SAMD11: variants seen among roughly 807,000 people sequenced by gnomAD.
The protein encoded by SAMD11 is sterile alpha motif domain containing 11, also known as sterile alpha motif domain-containing protein 11.
In SAMD11, 77 loss-of-function variants were observed where a neutral mutation model predicts 64.4. That is an observed-to-expected ratio of 1.20 (90% CI 0.99 to 1.44). SAMD11 has a LOEUF of 1.44. Among genes scored for constraint, SAMD11 ranks in the 40% most tolerant of loss-of-function variants. The probability of loss-of-function intolerance (pLI) is 0.00; values close to 1 mark genes in which losing one functional copy is unlikely to be tolerated. For synonymous variants in SAMD11, 658 were observed against 421.9 expected, an observed-to-expected ratio of 1.56 and a Z score of -6.86; for missense variants, 1,402 against 943.3, an observed-to-expected ratio of 1.49 and a Z score of -6.37.
rs1329301928 is a variant in SAMD11 at position 926,003 on chromosome 1, C to A, written c.599C>A (p.Ser200Tyr). Residue 200 changes from serine to tyrosine, a missense_variant, in exon 2 of 14, where the codon TCC (serine) becomes TAC (tyrosine). Ser to Tyr is a moderately radical substitution (Grantham distance 144). Coordinates refer to ENST00000616016, the MANE Select transcript of SAMD11 (RefSeq NM_001385641.1). ...PICDCPGCRI[S>Y]SPVNRGRLAD... The stretch of plus-strand genomic sequence containing the variant: ...TGCGACTGCCCGGGCTGCCGAATAT[C>A]CTCCCCGGTGGTGAGATGCGGGGCT... The A allele has an allele frequency of 1.2e-6, 2 of 1,611,628 alleles. No individual in the cohort carries two copies. Among genetic ancestry groups the A allele is most frequent in the Non-Finnish European group, 1.7e-6 (2 of 1,179,908 alleles).
At chr1:932,711 A>G (rs1641227497) in intron 4 of SAMD11, among the ~76,000 whole-genome samples, 1 of 152,208 alleles carries the variant, frequency 6.6e-6, no homozygotes, top group Non-Finnish European at 1.5e-5. Flanking sequence ...GCTCCCGTCC[A>G]GTGGTCTCCA....
In SAMD11 at chr1:944,217, C is replaced by A; in HGVS notation, c.*64C>A. On this transcript the variant is annotated 3_prime_UTR_variant, in exon 14 of 14. Transcript: ENST00000616016. The stretch of plus-strand genomic sequence containing the variant: ...GGAGCCACCACTCAACACAATGGCC[C>A]TGCCTCCCACCGCTTTATTTCTTTC... 1 of 1,477,350 alleles carries A rather than the reference C, an allele frequency of 6.8e-7. No individual in the cohort carries two copies. 91.5% of individuals were successfully genotyped at this position (1,477,350 alleles called of 1,614,324 possible).
intron 2 of SAMD11, among the ~76,000 whole-genome samples, chr1:929,307 G>A (rs993396851): frequency 5.3e-5 from 8 of 152,208 alleles, no homozygotes; most frequent in African/African-American, 1.9e-4. Context: ...CCACACGCTC[G>A]TTCCGTGGGT....
chr1:942,733 G>T lies in SAMD11; in HGVS notation c.1728G>T (p.Gln576His). 6 of 1,474,142 alleles carry T rather than the reference G, an allele frequency of 4.1e-6. No homozygotes were observed. The highest frequency in any genetic ancestry group is 5.3e-6 in the Non-Finnish European group (6 of 1,122,136). 91.3% of individuals were successfully genotyped at this position (1,474,142 alleles called of 1,614,324 possible). A position where few individuals can be genotyped will look rare whatever the true frequency, so the allele number is the denominator to read the frequency against. ...CGCCACTGCTGGCCCTGCCCCCCCA[G>T]GGGCCCCCGGGCTCCGGACCCCCCA... ...GAAPLLALPP[Q>H]GPPGSGPPTP... The change falls in exon 11 of 14, where the codon CAG (glutamine) becomes CAT (histidine). Residue 576 changes from glutamine (Q) to histidine (H), a missense_variant. Transcript: ENST00000616016.
intron 12 of SAMD11, 59 bp downstream of exon 12, chr1:943,436 C>A: frequency 7.1e-7 from 1 of 1,411,430 alleles, no homozygotes; most frequent in Non-Finnish European, 9.6e-7. Context: ...TCACTACCTC[C>A]CTGGAAAGGA....
chr1:939,598 C>G, intron 7 of SAMD11, 186 bp downstream of exon 7: 8 of 1,047,008 alleles, frequency 7.6e-6, no homozygotes, highest in Non-Finnish European at 1.1e-5. Flanking sequence ...TGCCCCATGC[C>G]CCCTGGGGCG....
chr1:935,653 C>T (rs1180510284), intron 4 of SAMD11, 119 bp from the exon 5 acceptor site: 25 of 1,362,518 alleles, frequency 1.8e-5, no homozygotes, highest in East Asian at 7.0e-5. Flanking sequence ...GGCACAGCAA[C>T]GTGGCACTCA....
intron 5 of SAMD11, among the ~76,000 whole-genome samples, chr1:936,144 C>G (rs568135078): frequency 1.3e-5 from 2 of 152,340 alleles, no homozygotes; most frequent in East Asian, 3.9e-4. Flanking sequence ...CTGCCACCCC[C>G]TTTCCACAGG....
At position 926,026 on chromosome 1, in the gene SAMD11, G is replaced by A. The variant is rs942779903; in HGVS notation, c.609+13G>A. On this transcript the variant is annotated intron_variant, in intron 2 of 13. Coordinates refer to ENST00000616016, the MANE Select transcript of SAMD11 (RefSeq NM_001385641.1). ...ATCCTCCCCGGTGGTGAGATGCGGG[G>A]CTCGGTTGGGGCTGGGAGTTACTCT... is the stretch of plus-strand genomic sequence containing the variant. 3 of 1,609,186 alleles carry A rather than the reference G, an allele frequency of 1.9e-6. No homozygotes were observed. The highest frequency in any genetic ancestry group is 2.5e-6 in the Non-Finnish European group (3 of 1,179,208).
intron 5 of SAMD11, among the ~76,000 whole-genome samples, chr1:936,255 C>T (rs1352633536): frequency 6.6e-6 from 1 of 151,160 alleles, no homozygotes; most frequent in African/African-American, 2.5e-5. Flanking sequence ...CCTAGGGCTC[C>T]TGGACGGAAG....
In SAMD11 at chr1:942,800, G is replaced by C. The variant is rs910296298; in HGVS notation, c.1795G>C (p.Gly599Arg). 8 of 1,543,566 alleles carry C rather than the reference G, an allele frequency of 5.2e-6. No homozygotes were observed. Among genetic ancestry groups the C allele is most frequent in the South Asian group, 1.2e-5 (1 of 83,670 alleles). ...DSARRAPRKG[G>R]PGPASARPSE... ...TGCCCGGCGAGCCCCCCGGAAGGGGGGTCCCGGCCCTGCCTCAGCGCGGCC... is the reference window on the plus strand; with the variant it reads ...TGCCCGGCGAGCCCCCCGGAAGGGGCGTCCCGGCCCTGCCTCAGCGCGGCC... The change falls in exon 11 of 14, where the codon GGT (glycine) becomes CGT (arginine). Residue 599 changes from glycine (G) to arginine (R), a missense_variant. Gly to Arg is a moderately radical substitution (Grantham distance 125). Transcript: ENST00000616016.
chr1:926,183 C>G (rs961687698), intron 2 of SAMD11, among the ~76,000 whole-genome samples, 170 bp downstream of exon 2: 1 of 152,124 alleles, frequency 6.6e-6, no homozygotes, highest in Non-Finnish European at 1.5e-5. Context: ...TCTCCCAGCC[C>G]TTCTACCTGG....
intron 4 of SAMD11, among the ~76,000 whole-genome samples, chr1:933,398 G>T (rs778152221): frequency 3.9e-5 from 6 of 152,152 alleles, no homozygotes; most frequent in Non-Finnish European, 5.9e-5. Flanking sequence ...CCCACCAGGT[G>T]CCACTGCCCA....
Position 942,996 on chromosome 1 carries a change from T to G in SAMD11, c.1991T>G (p.Leu664Arg). 6.5e-7 allele frequency: 1 copy of G among 1,538,574 alleles called. No homozygotes were observed. The highest frequency in any genetic ancestry group is 1.2e-5 in the South Asian group (1 of 80,290). The change falls in exon 11 of 14, where the codon CTT becomes CGT. Residue 664 changes from leucine (L) to arginine (R), a missense_variant. Transcript: ENST00000616016. ...AGGAGAEGKG[L>R]FPGSTLPLGF... ...GGGGCCGGCGCCGAGGGGAAGGGGC[T>G]TTTCCCAGGGTCCACACTGCCCCTG... is the stretch of plus-strand genomic sequence containing the variant.
rs966297856 is a variant in SAMD11 at position 924,452 on chromosome 1, G to T, written c.21G>T (p.Glu7Asp). The T allele has an allele frequency of 6.7e-6, 1 of 149,620 alleles. No individual in the cohort carries two copies. Among genetic ancestry groups the T allele is most frequent in the African/African-American group, 2.4e-5 (1 of 41,150 alleles). The allele number at this position is 149,620 out of a possible 1,614,324, so 9.3% of individuals were successfully genotyped here. Residue 7 changes from glutamate (E) to aspartate (D), a missense_variant, in exon 1 of 14, where the codon GAG becomes GAT. Coordinates refer to ENST00000616016, the MANE Select transcript of SAMD11 (RefSeq NM_001385641.1). ...GCGCCATGCCGGCGGTCAAGAAGGA[G>T]TTCCCGGGCCGCGAGGACCTGGCCC... MPAVKKEFPGREDLALA... is the reference protein window; with the variant it reads MPAVKKDFPGREDLALA...
At chr1:939,016 T>C (rs1322172765) in intron 5 of SAMD11, 24 bp from the exon 6 acceptor site, 2 of 1,569,034 alleles carry the variant, frequency 1.3e-6, no homozygotes, top group Non-Finnish European at 1.7e-6. Context: ...GAGATGCAGG[T>C]GGGCACTCAC....
At chr1:933,797 T>C (rs2100320977) in intron 4 of SAMD11, among the ~76,000 whole-genome samples, 1 of 152,214 alleles carries the variant, frequency 6.6e-6, no homozygotes, top group African/African-American at 2.4e-5. Flanking sequence ...AGCCGTCATC[T>C]AGGTCTCCTG....
In SAMD11 at chr1:930,283, G is replaced by A; in HGVS notation, c.738G>A (p.Arg246=). 6.2e-7 allele frequency: 1 copy of A among 1,608,810 alleles called. No individual in the cohort carries two copies. Among genetic ancestry groups the A allele is most frequent in the Non-Finnish European group, 8.5e-7 (1 of 1,178,084 alleles). The change falls in exon 3 of 14, where the codon CGG becomes CGA. Residue 246 remains arginine (R), a synonymous_variant. Coordinates refer to ENST00000616016, the MANE Select transcript of SAMD11 (RefSeq NM_001385641.1). ...DSDGSGPTCG[R]RPGLKQEDGP... is the part of the protein sequence containing the mutation. ...ACGGGAGTGGCCCCACCTGTGGGCGGCGGCCAGGCTTGAAGCAGGAGGATG... is the reference window on the plus strand; with the variant it reads ...ACGGGAGTGGCCCCACCTGTGGGCGACGGCCAGGCTTGAAGCAGGAGGATG...
intron 9 of SAMD11, 45 bp downstream of exon 9, chr1:942,296 C>G (rs986041407): frequency 9.7e-7 from 1 of 1,033,974 alleles, no homozygotes; most frequent in Admixed American, 3.9e-5. Flanking sequence ...CGTGGAGGCT[C>G]GCGGACCCGG....
Sources: allele counts gnomAD v4.1 joint callset (sites outside exome capture counted in the v4.1 genomes callset), GRCh38; gene constraint gnomAD v4.1.1; transcripts MANE v1.5; gene names NCBI Gene and HGNC (gene_info 2026-07-23, HGNC 2026-07-21).